Variants in FRMD3 observed in about 807,000 individuals in gnomAD.
FRMD3 encodes the protein FERM domain-containing protein 3.
In FRMD3, 33 loss-of-function variants were observed where a neutral mutation model predicts 70.2. The ratio of observed to expected loss-of-function variants is 0.47; its 90% confidence interval spans 0.36 to 0.63. The LOEUF is 0.63. Among genes scored for constraint, FRMD3 ranks in the 20% least tolerant of loss-of-function variants. The pLI is 0.00. For synonymous variants in FRMD3, 279 were observed against 255.9 expected, an observed-to-expected ratio of 1.09 and a Z score of -0.86; for missense variants, 632 against 711.4, an observed-to-expected ratio of 0.89 and a Z score of 1.27.
At chr9:83,368,476 C>T (rs1224332280) in intron 3 of FRMD3, among the ~76,000 whole-genome samples, 2 of 151,954 alleles carry the variant, frequency 1.3e-5, no homozygotes, top group Non-Finnish European at 2.9e-5. Flanking sequence ...GGACTACAGG[C>T]TATGTTAATT....
chr9:83,452,847 C>T (rs1243837790), intron 1 of FRMD3, among the ~76,000 whole-genome samples: 1 of 116,320 alleles, frequency 8.6e-6, no homozygotes, highest in South Asian at 2.8e-4. Flanking sequence ...ATTTTTATTG[C>T]CTTTTTTTTT....
chr9:83,342,232 T>C (rs1309392080), intron 5 of FRMD3, among the ~76,000 whole-genome samples: 2 of 152,196 alleles, frequency 1.3e-5, no homozygotes, highest in South Asian at 2.1e-4. Flanking sequence ...CGTGGCCATA[T>C]GGTGCCTCAG....
intron 1 of FRMD3, among the ~76,000 whole-genome samples, chr9:83,471,575 C>T (rs936217148): frequency 6.6e-5 from 10 of 152,056 alleles, no homozygotes; most frequent in Non-Finnish European, 1.3e-4. Flanking sequence ...CCGTACTGCT[C>T]CACACAAAGG....
chr9:83,329,778 A>T (rs1192436553), intron 6 of FRMD3, among the ~76,000 whole-genome samples: 1 of 152,278 alleles, frequency 6.6e-6, no homozygotes, highest in Middle Eastern at 3.4e-3. Flanking sequence ...CTGCCAATTG[A>T]GCCTTTTGAA....
intron 12 of FRMD3, chr9:83,297,436 G>A (rs1291842132): frequency 4.8e-6 from 1 of 206,518 alleles, no homozygotes; most frequent in East Asian, 1.3e-4. Flanking sequence ...CAGGACCTTG[G>A]ATAAATGACT....
chr9:83,467,872 T>C (rs1828171249), intron 1 of FRMD3: 10 of 1,159,578 alleles, frequency 8.6e-6, no homozygotes, highest in Middle Eastern at 2.8e-4. Context: ...GTTACAAACA[T>C]GAGATGCTTT....
At chr9:83,281,849 C>G (rs973778411) in intron 13 of FRMD3, among the ~76,000 whole-genome samples, 7 of 152,322 alleles carry the variant, frequency 4.6e-5, no homozygotes, top group Non-Finnish European at 1.0e-4. Context: ...GAGGAGTCAG[C>G]AGGTCCTGGC....
At chr9:83,509,415 A>C (rs565017864) in intron 1 of FRMD3, among the ~76,000 whole-genome samples, 4 of 152,362 alleles carry the variant, frequency 2.6e-5, no homozygotes, top group Non-Finnish European at 4.4e-5. Flanking sequence ...GCCACAGCCA[A>C]AAAGATGCAA....
chr9:83,340,157 C>T (rs548836715), intron 5 of FRMD3, among the ~76,000 whole-genome samples: 5 of 152,204 alleles, frequency 3.3e-5, no homozygotes, highest in African/African-American at 1.2e-4. Flanking sequence ...CTGAGTAACA[C>T]AGTGAGATCC....
At chr9:83,530,014 T>C (rs1485497651) in intron 1 of FRMD3, among the ~76,000 whole-genome samples, 1 of 152,154 alleles carries the variant, frequency 6.6e-6, no homozygotes, top group Non-Finnish European at 1.5e-5. Context: ...TGTGAAGAAA[T>C]TGAAACCCTG....
chr9:83,299,475 A>G (rs1834815787), intron 10 of FRMD3, among the ~76,000 whole-genome samples: 1 of 152,206 alleles, frequency 6.6e-6, no homozygotes, highest in South Asian at 2.1e-4. Context: ...CAACCTGCAA[A>G]AAGGACTGGG....
intron 12 of FRMD3, among the ~76,000 whole-genome samples, chr9:83,292,504 C>T (rs1001440435): frequency 6.6e-5 from 10 of 152,030 alleles, no homozygotes; most frequent in Admixed American, 6.5e-4. Context: ...CAAACACACA[C>T]AGGAAGAAGC....
intron 7 of FRMD3, 115 bp downstream of exon 7, chr9:83,313,545 C>A: frequency 1.3e-6 from 1 of 797,182 alleles, no homozygotes; most frequent in Non-Finnish European, 2.1e-6. Flanking sequence ...CAATGAGGGA[C>A]CGTGGGCCAA....
At chr9:83,446,813 T>A (rs988037340) in intron 1 of FRMD3, among the ~76,000 whole-genome samples, 1 of 152,162 alleles carries the variant, frequency 6.6e-6, no homozygotes, top group African/African-American at 2.4e-5. Context: ...TGAAAGTGTT[T>A]CTGGGGCACT....
chr9:83,262,266 ACACAC>A, intron 13 of FRMD3, among the ~76,000 whole-genome samples: 1 of 152,148 alleles, frequency 6.6e-6, no homozygotes, highest in African/African-American at 2.4e-5. Flanking sequence ...ACCTCCAATA[ACACAC>A]ACTATGTAGT....
chr9:83,481,695 T>C (rs62560308), intron 1 of FRMD3, among the ~76,000 whole-genome samples: 58,853 of 151,966 alleles, frequency 0.39, 11,713 homozygotes, highest in Middle Eastern at 0.45. Flanking sequence ...AGAATAATTC[T>C]ATGGGACATT....
At chr9:83,423,700 G>T (rs1163766272) in intron 1 of FRMD3, among the ~76,000 whole-genome samples, 1 of 143,654 alleles carries the variant, frequency 7.0e-6, no homozygotes, top group African/African-American at 2.6e-5. Flanking sequence ...AGGTTCAAGC[G>T]ATTCTCCTGC....
At chr9:83,385,003 C>A (rs1825470934) in intron 2 of FRMD3, among the ~76,000 whole-genome samples, 1 of 151,986 alleles carries the variant, frequency 6.6e-6, no homozygotes, top group African/African-American at 2.4e-5. Context: ...ACTTCCTTAG[C>A]TGGATTTGGG....
At chr9:83,290,393 C>T (rs963888045) in intron 13 of FRMD3, among the ~76,000 whole-genome samples, 7 of 152,152 alleles carry the variant, frequency 4.6e-5, no homozygotes, top group African/African-American at 2.4e-5. Flanking sequence ...ATACTTTATA[C>T]CAGTGAAGTC....
Sources: allele counts gnomAD v4.1 joint callset (sites outside exome capture counted in the v4.1 genomes callset), GRCh38; gene constraint gnomAD v4.1.1; transcripts MANE v1.5; gene names NCBI Gene and HGNC (gene_info 2026-07-23, HGNC 2026-07-21).